SENP7: variants seen among roughly 807,000 people sequenced by gnomAD.
SENP7 encodes the protein sentrin-specific protease 7.
SENP7 carries 64 observed loss-of-function variants against 141.2 expected under a neutral mutation model. That is an observed-to-expected ratio of 0.45 (90% CI 0.37 to 0.56). The LOEUF (loss-of-function observed/expected upper bound fraction) is 0.56, where lower values mean the gene tolerates loss of function less well. Ranked by LOEUF, SENP7 falls within the 20% of genes least tolerant of loss-of-function variation. SENP7 has a pLI of 0.00. For synonymous variants in SENP7, 382 were observed against 426.4 expected (o/e 0.90, Z 1.28); for missense variants, 1,025 against 1,212.2 (o/e 0.85, Z 2.29).
At chr3:101,506,916 C>T (rs1335521656) in intron 1 of SENP7, among the ~76,000 whole-genome samples, 1 of 152,078 alleles carries the variant, frequency 6.6e-6, no homozygotes, top group Non-Finnish European at 1.5e-5. Context: ...TAAAAAATAG[C>T]CAGGCATGAT....
At chr3:101,439,265 C>T (rs1368213822) in intron 4 of SENP7, among the ~76,000 whole-genome samples, 50 of 102,770 alleles carry the variant, frequency 4.9e-4, no homozygotes, top group Non-Finnish European at 5.2e-4. Context: ...CCGGCCGCCC[C>T]GTCTGAGAAG....
rs2062816841 is a variant in SENP7 at position 101,444,674 on chromosome 3, T to C, written c.284+14281A>G. On this transcript the variant is annotated intron_variant, in intron 4 of 23. Transcript: ENST00000394095. Reference sequence around the variant, plus strand: ...ACCAAACACCGTATACTCTCACTCATAGGTGGGAATTGAACAATGAGAACA... The same window carrying C: ...ACCAAACACCGTATACTCTCACTCACAGGTGGGAATTGAACAATGAGAACA... Among the ~76,000 whole-genome samples the C allele has an allele frequency of 2.2e-5, 3 of 137,812 alleles. No homozygotes were observed. The Admixed American group carries it at 2.6e-4, about 12-fold the overall frequency. The allele number at this position is 137,812 out of a possible 152,430, so 90.4% of individuals were successfully genotyped here. A position where few individuals can be genotyped will look rare whatever the true frequency, so the allele number is the denominator to read the frequency against.
intron 6 of SENP7, among the ~76,000 whole-genome samples, chr3:101,375,411 C>T (rs1465727638): frequency 2.0e-5 from 3 of 151,800 alleles, no homozygotes; most frequent in East Asian, 3.9e-4. Flanking sequence ...GGCGTGGTGG[C>T]GCACGCCTGT....
At chr3:101,328,812 A>G (rs2058971010) in intron 20 of SENP7, 123 bp from the exon 21 acceptor site, 1 of 711,548 alleles carries the variant, frequency 1.4e-6, no homozygotes, top group South Asian at 1.9e-5. Flanking sequence ...TATCTTCATC[A>G]TCAAAAGTGA....
intron 6 of SENP7, among the ~76,000 whole-genome samples, chr3:101,385,068 C>G (rs545319124): frequency 1.3e-5 from 2 of 152,014 alleles, no homozygotes; most frequent in South Asian, 2.1e-4. Context: ...AAAGTTTAAT[C>G]GTAACACCTA....
chr3:101,386,285 A>G lies in SENP7; in HGVS notation c.677+12576T>C, dbSNP rs140052613. On this transcript the variant is annotated intron_variant, in intron 6 of 23. Coordinates refer to ENST00000394095, the MANE Select transcript of SENP7 (RefSeq NM_020654.5). ...AGGACAGACTCCTTGCTGTGAAGAA[A>G]AGGTAAGCAAGAAATCCCCGGAAGT... Among the ~76,000 whole-genome samples, 1,045 of 152,278 alleles carry G rather than the reference A, an allele frequency of 6.9e-3. 12 individuals are homozygous for G. The highest frequency in any genetic ancestry group is 0.048 in the Middle Eastern group (14 of 294).
At chr3:101,338,967 T>G (rs1327863947) in intron 16 of SENP7, among the ~76,000 whole-genome samples, 1 of 152,058 alleles carries the variant, frequency 6.6e-6, no homozygotes, top group Non-Finnish European at 1.5e-5. Flanking sequence ...ATCAAAAAAT[T>G]ACCAGACATG....
At chr3:101,487,503 C>T (rs2064780961) in intron 3 of SENP7, among the ~76,000 whole-genome samples, 1 of 152,026 alleles carries the variant, frequency 6.6e-6, no homozygotes, top group Non-Finnish European at 1.5e-5. Flanking sequence ...GTTGCAATTG[C>T]TTTTGGGGAA....
At chr3:101,342,070 TAGG>T (rs1032529867) in intron 14 of SENP7, among the ~76,000 whole-genome samples, 7 of 152,080 alleles carry the variant, frequency 4.6e-5, no homozygotes, top group African/African-American at 7.2e-5. Flanking sequence ...ATGTAATAAA[TAGG>T]AGGAAATAAA....
Position 101,426,511 on chromosome 3 carries a change from G to A in SENP7, c.285-8721C>T, listed in dbSNP as rs971721370. ...TTTTTTTTTTTTTAGATAGAGTCTC[G>A]CTCTGCTGCCCAGGATGGAGTTCAG... is the stretch of plus-strand genomic sequence containing the variant. On this transcript the variant is annotated intron_variant, in intron 4 of 23. Transcript: ENST00000394095. 8.0e-5 allele frequency among the ~76,000 whole-genome samples: 12 copies of A among 149,432 alleles called. No individual in the cohort carries two copies. The South Asian group carries it at 1.3e-3, about 16-fold the overall frequency.
chr3:101,473,400 C>T (rs2064088775), intron 3 of SENP7, among the ~76,000 whole-genome samples: 3 of 151,986 alleles, frequency 2.0e-5, no homozygotes, highest in Admixed American at 2.0e-4. Flanking sequence ...CCATCTGTTA[C>T]TTTTGGAGTT....
At chr3:101,417,481 TATATATGCAAATCTCCTTTC>T (rs2061658248) in intron 5 of SENP7, 92 bp downstream of exon 5, 1 of 836,178 alleles carries the variant, frequency 1.2e-6, no homozygotes, top group Admixed American at 2.0e-5. Context: ...GTGGTATGCC[TATATATGCAAATCTCCTTTC>T]AGGTCATTTC....
At chr3:101,330,618 T>C (rs1170533109) in intron 19 of SENP7, among the ~76,000 whole-genome samples, 1 of 152,202 alleles carries the variant, frequency 6.6e-6, no homozygotes, top group Non-Finnish European at 1.5e-5. Flanking sequence ...TGATTGGAAA[T>C]ACCAGTTAGC....
intron 4 of SENP7, among the ~76,000 whole-genome samples, chr3:101,418,683 C>CAA (rs11401206): frequency 4.1e-4 from 60 of 146,004 alleles, no homozygotes; most frequent in South Asian, 8.9e-4. Context: ...CGGGAACTCT[C>CAA]AAAAAAAAAA....
intron 5 of SENP7, among the ~76,000 whole-genome samples, chr3:101,411,683 G>A (rs2061461979): frequency 6.6e-6 from 1 of 152,204 alleles, no homozygotes; most frequent in Non-Finnish European, 1.5e-5. Flanking sequence ...AGGAATTGAA[G>A]TATATAAAGG....
chr3:101,501,027 G>A, intron 2 of SENP7, 43 bp downstream of exon 2: 1 of 1,294,716 alleles, frequency 7.7e-7, no homozygotes, highest in Non-Finnish European at 1.1e-6. Flanking sequence ...TTCAATATCA[G>A]TAACTCCAAA....
chr3:101,431,899 A>G (rs2062192594), intron 4 of SENP7, among the ~76,000 whole-genome samples: 1 of 152,200 alleles, frequency 6.6e-6, no homozygotes, highest in African/African-American at 2.4e-5. Flanking sequence ...AAAAGGAGTT[A>G]TCTTATTCTT....
intron 6 of SENP7, among the ~76,000 whole-genome samples, chr3:101,373,725 C>G (rs1406991547): frequency 6.6e-6 from 1 of 152,098 alleles, no homozygotes; most frequent in Non-Finnish European, 1.5e-5. Flanking sequence ...TCATATGATT[C>G]AAATGCACAA....
intron 3 of SENP7, among the ~76,000 whole-genome samples, chr3:101,487,545 CAAG>C (rs2064782599): frequency 2.6e-5 from 4 of 152,116 alleles, no homozygotes; most frequent in Admixed American, 1.3e-4. Context: ...AGGCTGATAA[CAAG>C]AAGGGTATTT....
Sources: allele counts gnomAD v4.1 joint callset (sites outside exome capture counted in the v4.1 genomes callset), GRCh38; gene constraint gnomAD v4.1.1; transcripts MANE v1.5; gene names NCBI Gene and HGNC (gene_info 2026-07-23, HGNC 2026-07-21).